Variants in KCTD8 observed in about 807,000 individuals in gnomAD.
KCTD8 encodes BTB/POZ domain-containing protein KCTD8.
In KCTD8, 27 loss-of-function variants were observed where a neutral mutation model predicts 31.5. The observed-to-expected ratio is 0.86, with a 90% CI of 0.63 to 1.18. KCTD8 has a LOEUF of 1.18. Among genes scored for constraint, KCTD8 ranks in the 50% most tolerant of loss-of-function variants. KCTD8 has a pLI of 0.00. For synonymous variants in KCTD8, 290 were observed against 280.0 expected (o/e 1.04, Z -0.36); for missense variants, 658 against 647.7 (o/e 1.02, Z -0.17).
chr4:44,303,279 G>T (rs979595194), intron 1 of KCTD8, among the ~76,000 whole-genome samples: 2 of 152,024 alleles, frequency 1.3e-5, no homozygotes, highest in African/African-American at 4.8e-5. Flanking sequence ...GATTGGAATA[G>T]TTTCAGAAGG....
At chr4:44,329,615 C>T (rs576121565) in intron 1 of KCTD8, among the ~76,000 whole-genome samples, 2 of 152,010 alleles carry the variant, frequency 1.3e-5, no homozygotes, top group South Asian at 2.1e-4. Context: ...ATCAGAAATA[C>T]AATTAGCCCT....
intron 1 of KCTD8, among the ~76,000 whole-genome samples, chr4:44,274,213 AGGGAGATT>A (rs1478354830): frequency 2.0e-5 from 3 of 151,926 alleles, no homozygotes; most frequent in African/African-American, 7.2e-5. Context: ...GGAATAATTT[AGGGAGATT>A]TAACTTTCTA....
chr4:44,248,763 A>T (rs1376104447), intron 1 of KCTD8, among the ~76,000 whole-genome samples: 1 of 151,894 alleles, frequency 6.6e-6, no homozygotes, highest in Non-Finnish European at 1.5e-5. Flanking sequence ...TGGGATGATG[A>T]CACTGAGAGA....
intron 1 of KCTD8, among the ~76,000 whole-genome samples, chr4:44,353,086 A>C (rs1719255241): frequency 6.6e-6 from 1 of 152,162 alleles, no homozygotes. Flanking sequence ...GAATGTTTCC[A>C]AAATTCAAAA....
intron 1 of KCTD8, among the ~76,000 whole-genome samples, chr4:44,361,584 T>C (rs889300542): frequency 6.6e-6 from 1 of 152,054 alleles, no homozygotes; most frequent in Non-Finnish European, 1.5e-5. Context: ...CAATAATAAT[T>C]TTTAAATATT....
intron 1 of KCTD8, among the ~76,000 whole-genome samples, chr4:44,176,705 G>A (rs894926546): frequency 5.9e-5 from 9 of 151,986 alleles, no homozygotes; most frequent in Non-Finnish European, 1.2e-4. Context: ...TCTTCATTAT[G>A]GTGTTGATTA....
intron 1 of KCTD8, among the ~76,000 whole-genome samples, chr4:44,225,044 C>G (rs1466047886): frequency 6.6e-6 from 1 of 152,164 alleles, no homozygotes; most frequent in Non-Finnish European, 1.5e-5. Flanking sequence ...ATCTACTCCC[C>G]AACAGCAACT....
intron 1 of KCTD8, among the ~76,000 whole-genome samples, chr4:44,443,246 CA>C (rs1438573109): frequency 1.3e-5 from 2 of 152,118 alleles, no homozygotes; most frequent in African/African-American, 4.8e-5. Flanking sequence ...GAAAAATAAT[CA>C]ACTTTTAAAA....
At chr4:44,365,856 G>A (rs991493272) in intron 1 of KCTD8, among the ~76,000 whole-genome samples, 1 of 152,052 alleles carries the variant, frequency 6.6e-6, no homozygotes, top group Non-Finnish European at 1.5e-5. Context: ...GGAAAAATTG[G>A]AAGTAACACA....
chr4:44,352,361 T>C (rs941900315), intron 1 of KCTD8, among the ~76,000 whole-genome samples: 1 of 151,080 alleles, frequency 6.6e-6, no homozygotes. Context: ...TTGATAAGGA[T>C]GGGAAATTTA....
At chr4:44,367,876 CA>C (rs11424950) in intron 1 of KCTD8, among the ~76,000 whole-genome samples, 13,821 of 145,442 alleles carry the variant, frequency 0.095, 667 homozygotes, top group Middle Eastern at 0.13. Context: ...ATGATAGGAC[CA>C]AAAAAAAAAA....
chr4:44,213,052 C>CT (rs1714538964), intron 1 of KCTD8, among the ~76,000 whole-genome samples: 1 of 152,102 alleles, frequency 6.6e-6, no homozygotes, highest in Admixed American at 6.5e-5. Flanking sequence ...ATCCTCCTGC[C>CT]TCAGCCACCC....
chr4:44,194,659 CG>C (rs1713876947), intron 1 of KCTD8, among the ~76,000 whole-genome samples: 1 of 151,960 alleles, frequency 6.6e-6, no homozygotes. Flanking sequence ...TGAAAGTAAT[CG>C]GGGTGCCTAC....
rs554166792 is a variant in KCTD8 at position 44,421,846 on chromosome 4, T to C, written c.961+25717A>G. ...ATTGGGAGTAAGCCCAGAATTTTTA[T>C]GGAAAAAAAATCACAATGGCCTATT... is the stretch of plus-strand genomic sequence containing the variant. On this transcript the variant is annotated intron_variant, in intron 1 of 1. Coordinates refer to ENST00000360029, the MANE Select transcript of KCTD8 (RefSeq NM_198353.3). Among the ~76,000 whole-genome samples the C allele has an allele frequency of 6.6e-5, 10 of 152,182 alleles. No homozygotes were observed. The South Asian group carries it at 1.9e-3, about 28-fold the overall frequency.
At chr4:44,417,466 G>T (rs1306099532) in intron 1 of KCTD8, among the ~76,000 whole-genome samples, 1 of 151,874 alleles carries the variant, frequency 6.6e-6, no homozygotes, top group Non-Finnish European at 1.5e-5. Flanking sequence ...TAATGTACTG[G>T]CTCAAAAGAA....
At chr4:44,191,270 T>C (rs1713756171) in intron 1 of KCTD8, among the ~76,000 whole-genome samples, 1 of 152,238 alleles carries the variant, frequency 6.6e-6, no homozygotes, top group Non-Finnish European at 1.5e-5. Flanking sequence ...AAGCTGAGGA[T>C]GTTTGTCACC....
chr4:44,211,502 C>T (rs1714483147), intron 1 of KCTD8, among the ~76,000 whole-genome samples: 1 of 152,092 alleles, frequency 6.6e-6, no homozygotes, highest in African/African-American at 2.4e-5. Context: ...TTGTGAGTTG[C>T]TATAGTTCAC....
intron 1 of KCTD8, among the ~76,000 whole-genome samples, chr4:44,186,701 G>C (rs1216733667): frequency 6.6e-6 from 1 of 152,160 alleles, no homozygotes; most frequent in Non-Finnish European, 1.5e-5. Flanking sequence ...AGTCACCCCC[G>C]CATCACATGC....
intron 1 of KCTD8, among the ~76,000 whole-genome samples, chr4:44,302,631 G>C (rs901590877): frequency 6.6e-6 from 1 of 151,872 alleles, no homozygotes; most frequent in East Asian, 1.9e-4. Context: ...GAGACAATGG[G>C]GTTTTCTAGA....
Sources: gnomAD v4.1 joint callset for allele counts (sites outside exome capture counted in the v4.1 genomes callset) on GRCh38, gnomAD v4.1.1 for gene constraint, MANE v1.5 for transcripts, NCBI Gene and HGNC (gene_info 2026-07-23, HGNC 2026-07-21) for gene names.